The following DACH1 variants were observed in gnomAD, a reference collection of about 807,000 sequenced individuals.
DACH1 encodes dachshund family transcription factor 1, also known as dachshund homolog 1.
Under a neutral mutation model 54.2 loss-of-function variants are expected in DACH1, and 12 were observed. The ratio of observed to expected loss-of-function variants is 0.22; its 90% CI spans 0.14 to 0.36. The LOEUF (loss-of-function observed/expected upper bound fraction) is 0.36. Among genes scored for constraint, DACH1 ranks in the 10% least tolerant of loss-of-function variants. The pLI is 1.00. For synonymous variants in DACH1, 386 were observed against 366.2 expected (o/e 1.05, Z -0.62); for missense variants, 805 against 929.8 (o/e 0.87, Z 1.75).
chr13:71,674,997 A>G (rs1880463846), intron 2 of DACH1: 2 of 693,328 alleles, frequency 2.9e-6, no homozygotes, highest in African/African-American at 3.7e-5. Context: ...CTCCAACGCC[A>G]GCGCCGCCTC....
At chr13:71,829,173 T>C (rs1461682193) in intron 1 of DACH1, among the ~76,000 whole-genome samples, 2 of 151,984 alleles carry the variant, frequency 1.3e-5, no homozygotes, top group Admixed American at 6.6e-5. Context: ...TTTATATACA[T>C]GCTTTGACCA....
intron 1 of DACH1, among the ~76,000 whole-genome samples, chr13:71,838,025 GGA>G (rs1413646609): frequency 5.4e-5 from 1 of 18,392 alleles, no homozygotes; most frequent in Non-Finnish European, 8.9e-5. Flanking sequence ...GAGGGGGGAG[GGA>G]AAAAAAAAAA....
chr13:71,594,452 A>G (rs1232095129), intron 3 of DACH1, among the ~76,000 whole-genome samples: 1 of 152,104 alleles, frequency 6.6e-6, no homozygotes, highest in Non-Finnish European at 1.5e-5. Context: ...ATTTCTCTCT[A>G]TCCTTCTATG....
chr13:71,548,401 G>A (rs767130902), intron 6 of DACH1, among the ~76,000 whole-genome samples: 1 of 151,956 alleles, frequency 6.6e-6, no homozygotes, highest in Non-Finnish European at 1.5e-5. Flanking sequence ...TTTGAATTTT[G>A]TTATTCTTTC....
At chr13:71,847,369 T>A (rs1375402592) in intron 1 of DACH1, among the ~76,000 whole-genome samples, 1 of 152,182 alleles carries the variant, frequency 6.6e-6, no homozygotes, top group Non-Finnish European at 1.5e-5. Flanking sequence ...AAAATTCTTA[T>A]AAGTCTATTG....
intron 1 of DACH1, among the ~76,000 whole-genome samples, chr13:71,731,671 C>CTAGACTCCGCTGTCAT (rs1219835983): frequency 4.6e-5 from 7 of 152,138 alleles, no homozygotes; most frequent in African/African-American, 1.2e-4. Context: ...AAATCGTAGA[C>CTAGACTCCGCTGTCAT]TAGACTCCGC....
Position 71,866,612 on chromosome 13 carries a change from G to T in DACH1, c.158C>A (p.Thr53Asn). ...AGCGATGGGCTCCGGGCGGAACAGA[G>T]TTGGCCCAGAGGACGCCGGGGGTCC... ...SIGPPASSGP[T>N]LFRPEPIASA... is the part of the protein sequence containing the mutation. Residue 53 changes from threonine (T) to asparagine (N), a missense_variant, in exon 1 of 11, where the codon ACT (threonine) becomes AAT (asparagine). This residue lies in a region of DACH1 where 305 missense variants were observed against 308.7 expected (regional missense o/e 0.99). Coordinates refer to ENST00000613252, the MANE Select transcript of DACH1 (RefSeq NM_080759.6). The T allele has an allele frequency of 7.3e-7, 1 of 1,367,322 alleles. No homozygotes were observed. The highest frequency in any genetic ancestry group is 9.5e-7 in the Non-Finnish European group (1 of 1,054,346). The allele number at this position is 1,367,322 out of a possible 1,614,324, so 84.7% of individuals were successfully genotyped here.
At chr13:71,538,265 G>A (rs1030246593) in intron 6 of DACH1, among the ~76,000 whole-genome samples, 7 of 151,630 alleles carry the variant, frequency 4.6e-5, no homozygotes, top group South Asian at 2.1e-4. Flanking sequence ...CTTCAATTTC[G>A]TCATTTGATT....
At chr13:71,677,655 C>G (rs575303380) in intron 2 of DACH1, among the ~76,000 whole-genome samples, 56 of 152,106 alleles carry the variant, frequency 3.7e-4, no homozygotes, top group African/African-American at 1.3e-3. Flanking sequence ...CTCCAATGTT[C>G]AATTCTTGAA....
chr13:71,753,176 C>T (rs980324757), intron 1 of DACH1, among the ~76,000 whole-genome samples: 1 of 152,136 alleles, frequency 6.6e-6, no homozygotes, highest in Non-Finnish European at 1.5e-5. Flanking sequence ...CACCAAATGA[C>T]AGAACTCTCT....
At chr13:71,557,344 C>T (rs1884320609) in intron 5 of DACH1, among the ~76,000 whole-genome samples, 186 bp from the exon 6 acceptor site, 1 of 152,014 alleles carries the variant, frequency 6.6e-6, no homozygotes, top group Non-Finnish European at 1.5e-5. Context: ...GATAATTTGT[C>T]AGAATATGCA....
At chr13:71,827,765 G>A (rs1352473562) in intron 1 of DACH1, among the ~76,000 whole-genome samples, 3 of 151,948 alleles carry the variant, frequency 2.0e-5, no homozygotes, top group Admixed American at 6.6e-5. Flanking sequence ...AAAAGAATAG[G>A]AGAAAAAGTC....
chr13:71,695,752 G>C (rs896229369), intron 1 of DACH1, among the ~76,000 whole-genome samples: 1 of 152,142 alleles, frequency 6.6e-6, no homozygotes, highest in African/African-American at 2.4e-5. Flanking sequence ...AATCACCAAG[G>C]CTTGTTTCTT....
At chr13:71,829,607 C>T (rs1205408501) in intron 1 of DACH1, among the ~76,000 whole-genome samples, 1 of 151,884 alleles carries the variant, frequency 6.6e-6, no homozygotes, top group Non-Finnish European at 1.5e-5. Context: ...CATTCTCTTC[C>T]TGCAAAGGAT....
intron 4 of DACH1, among the ~76,000 whole-genome samples, chr13:71,561,351 T>C (rs1403897296): frequency 6.6e-6 from 1 of 152,178 alleles, no homozygotes; most frequent in African/African-American, 2.4e-5. Flanking sequence ...TTTGCAGACA[T>C]AATTAGTTAA....
intron 2 of DACH1, among the ~76,000 whole-genome samples, chr13:71,679,294 T>C (rs564024398): frequency 1.3e-5 from 2 of 152,342 alleles, no homozygotes; most frequent in African/African-American, 2.4e-5. Flanking sequence ...CTTTGGAATA[T>C]GACCTTCCTT....
intron 6 of DACH1, among the ~76,000 whole-genome samples, chr13:71,542,365 T>G (rs1007766010): frequency 3.9e-5 from 6 of 152,220 alleles, no homozygotes; most frequent in African/African-American, 1.4e-4. Flanking sequence ...TCAGATAAAC[T>G]TATTACATCA....
intron 1 of DACH1, among the ~76,000 whole-genome samples, chr13:71,842,828 G>A (rs1872968676): frequency 6.6e-6 from 1 of 152,144 alleles, no homozygotes; most frequent in African/African-American, 2.4e-5. Context: ...ACAATAGGCT[G>A]AAAATGATTT....
At chr13:71,512,860 C>T (rs1045841273) in intron 6 of DACH1, among the ~76,000 whole-genome samples, 1 of 151,476 alleles carries the variant, frequency 6.6e-6, no homozygotes, top group Admixed American at 6.6e-5. Context: ...AGGTATATAC[C>T]TTGGAAGAAA....
Sources: allele counts gnomAD v4.1 joint callset (sites outside exome capture counted in the v4.1 genomes callset), GRCh38; gene constraint gnomAD v4.1.1; regional missense constraint gnomAD v4.1.1; transcripts MANE v1.5; gene names NCBI Gene and HGNC (gene_info 2026-07-23, HGNC 2026-07-21).